Variants in ACVR1C observed in about 807,000 individuals in gnomAD.
The protein encoded by ACVR1C is activin A receptor type 1C, also known as activin receptor type-1C.
In ACVR1C, 23 loss-of-function variants were observed where a neutral mutation model predicts 57.9. The observed-to-expected ratio is 0.40, with a 90% CI of 0.29 to 0.56. The LOEUF is 0.56. Ranked by LOEUF, ACVR1C falls within the 20% of genes least tolerant of loss-of-function variation. The pLI, the probability that ACVR1C is intolerant of heterozygous loss-of-function variation, is 0.50. For missense variants in ACVR1C, 480 were observed against 607.9 expected, an observed-to-expected ratio of 0.79 and a Z score of 2.21; for synonymous variants, 214 against 215.3, an observed-to-expected ratio of 0.99 and a Z score of 0.05.
At chr2:157,581,649 G>A (rs1038225290) in intron 2 of ACVR1C, among the ~76,000 whole-genome samples, 2 of 152,174 alleles carry the variant, frequency 1.3e-5, no homozygotes, top group African/African-American at 2.4e-5. Flanking sequence ...CAGCTACCCA[G>A]AAATGACCCC....
chr2:157,608,170 A>T (rs1333253175), intron 1 of ACVR1C, among the ~76,000 whole-genome samples: 3 of 151,692 alleles, frequency 2.0e-5, no homozygotes, highest in Admixed American at 2.0e-4. Context: ...CTATGCCTAG[A>T]TTATTGAGAG....
At chr2:157,625,930 C>T (rs1326119812) in intron 1 of ACVR1C, among the ~76,000 whole-genome samples, 1 of 152,100 alleles carries the variant, frequency 6.6e-6, no homozygotes, top group Non-Finnish European at 1.5e-5. Context: ...GCATCCAGAA[C>T]CTACATAACC....
intron 3 of ACVR1C, among the ~76,000 whole-genome samples, chr2:157,554,505 TG>T (rs1295020553): frequency 6.6e-6 from 1 of 152,076 alleles, no homozygotes; most frequent in African/African-American, 2.4e-5. Flanking sequence ...CTTTGCAGTT[TG>T]GGGGTTTTCT....
intron 1 of ACVR1C, among the ~76,000 whole-genome samples, chr2:157,618,030 T>C (rs375173561): frequency 2.6e-5 from 4 of 151,804 alleles, no homozygotes; most frequent in Non-Finnish European, 4.4e-5. Context: ...ACAACAGATA[T>C]AAACTTTGAT....
chr2:157,622,501 A>G (rs1174038323), intron 1 of ACVR1C, among the ~76,000 whole-genome samples: 3 of 152,232 alleles, frequency 2.0e-5, no homozygotes, highest in Non-Finnish European at 4.4e-5. Context: ...AGGTGCCAAG[A>G]ACATACACTG....
At chr2:157,565,193 A>C (rs1479872899) in intron 2 of ACVR1C, among the ~76,000 whole-genome samples, 2 of 152,224 alleles carry the variant, frequency 1.3e-5, no homozygotes, top group African/African-American at 4.8e-5. Flanking sequence ...GAGATATTCC[A>C]TTCATGATGA....
chr2:157,628,435 A>G (rs1388989885), intron 1 of ACVR1C, 137 bp downstream of exon 1: 1 of 1,033,108 alleles, frequency 9.7e-7, no homozygotes, highest in Admixed American at 2.1e-5. Flanking sequence ...CGCCCCCTCA[A>G]TCCGACTGGC....
intron 7 of ACVR1C, among the ~76,000 whole-genome samples, chr2:157,540,382 CAG>C (rs1318036799): frequency 2.0e-5 from 3 of 150,872 alleles, no homozygotes; most frequent in African/African-American, 7.3e-5. Context: ...TTTTTTGAGA[CAG>C]AGTTTCGCTC....
chr2:157,553,149 C>T (rs1687959889), intron 3 of ACVR1C, among the ~76,000 whole-genome samples: 1 of 152,170 alleles, frequency 6.6e-6, no homozygotes. Context: ...AAGTTACTGG[C>T]CAATTAAGAA....
chr2:157,594,543 A>C (rs1682039101), intron 1 of ACVR1C, among the ~76,000 whole-genome samples: 1 of 152,148 alleles, frequency 6.6e-6, no homozygotes, highest in Non-Finnish European at 1.5e-5. Context: ...AATATTAAAA[A>C]TTGTTTATCC....
chr2:157,607,298 CT>C (rs1214619880), intron 1 of ACVR1C, among the ~76,000 whole-genome samples: 1 of 150,064 alleles, frequency 6.7e-6, no homozygotes, highest in Non-Finnish European at 1.5e-5. Context: ...TATCTGGGCT[CT>C]TTTTTGGTTC....
intron 1 of ACVR1C, among the ~76,000 whole-genome samples, chr2:157,598,749 G>A (rs957413912): frequency 6.6e-6 from 1 of 152,002 alleles, no homozygotes; most frequent in African/African-American, 2.4e-5. Flanking sequence ...ATGTTGGCCA[G>A]GCTGGTCTTG....
chr2:157,580,118 C>T (rs1375009734), intron 2 of ACVR1C, among the ~76,000 whole-genome samples: 1 of 152,140 alleles, frequency 6.6e-6, no homozygotes, highest in Non-Finnish European at 1.5e-5. Flanking sequence ...CGTGCGCGTG[C>T]TATTTATCTT....
intron 4 of ACVR1C, among the ~76,000 whole-genome samples, chr2:157,545,824 G>A (rs1364899593): frequency 2.6e-5 from 4 of 152,018 alleles, no homozygotes; most frequent in African/African-American, 9.7e-5. Context: ...GCTTAGGCTG[G>A]AGTGCAGTGT....
At chr2:157,555,170 CT>C (rs1352812422) in intron 3 of ACVR1C, among the ~76,000 whole-genome samples, 1 of 128,008 alleles carries the variant, frequency 7.8e-6, no homozygotes, top group African/African-American at 3.1e-5. Context: ...GGACTGCGGA[CT>C]GCAGTGGCGC....
At chr2:157,567,162 G>T (rs1407859685) in intron 2 of ACVR1C, among the ~76,000 whole-genome samples, 2 of 82,876 alleles carry the variant, frequency 2.4e-5, no homozygotes, top group African/African-American at 1.1e-4. Flanking sequence ...GGTCCTGTCT[G>T]TTAGAAGGAA....
chr2:157,622,366 T>C (rs1682798459), intron 1 of ACVR1C, among the ~76,000 whole-genome samples: 1 of 152,192 alleles, frequency 6.6e-6, no homozygotes, highest in Admixed American at 6.5e-5. Context: ...CTTCAAATTA[T>C]ACTGCAGAGC....
At chr2:157,612,726 G>A (rs938381197) in intron 1 of ACVR1C, among the ~76,000 whole-genome samples, 2 of 152,326 alleles carry the variant, frequency 1.3e-5, no homozygotes, top group East Asian at 1.9e-4. Context: ...TCCTTCCCCA[G>A]AGAGTAGTAC....
At chr2:157,543,075 T>G (rs553579814) in intron 5 of ACVR1C, among the ~76,000 whole-genome samples, 1 of 152,380 alleles carries the variant, frequency 6.6e-6, no homozygotes, top group South Asian at 2.1e-4. Flanking sequence ...GTAGCTGTTT[T>G]GTTCATCACC....
Sources: gnomAD v4.1 joint callset for allele counts (sites outside exome capture counted in the v4.1 genomes callset) on GRCh38, gnomAD v4.1.1 for gene constraint, MANE v1.5 for transcripts, NCBI Gene and HGNC (gene_info 2026-07-23, HGNC 2026-07-21) for gene names.